The following ATP11A variants were observed in gnomAD, a reference collection of about 807,000 sequenced individuals.
ATP11A encodes phospholipid-transporting ATPase IH.
Under a neutral mutation model 154.4 loss-of-function variants are expected in ATP11A, and 81 were observed. That is an observed-to-expected ratio of 0.52 (90% confidence interval 0.44 to 0.63). The LOEUF (loss-of-function observed/expected upper bound fraction) is 0.63, where lower values mean the gene tolerates loss of function less well. ATP11A is among the 30% of genes least tolerant of loss of function. The pLI, the probability that ATP11A is intolerant of heterozygous loss-of-function variation, is 0.00. For missense variants in ATP11A, 1,316 were observed against 1,474.3 expected, an observed-to-expected ratio of 0.89 and a Z score of 1.76; for synonymous variants, 623 against 585.9, an observed-to-expected ratio of 1.06 and a Z score of -0.91.
At chr13:112,879,092 T>G (rs2080812488) in intron 29 of ATP11A, among the ~76,000 whole-genome samples, 1 of 152,256 alleles carries the variant, frequency 6.6e-6, no homozygotes, top group African/African-American at 2.4e-5. Flanking sequence ...CGTCCTGAAG[T>G]CGCGTTCTGT....
intron 1 of ATP11A, among the ~76,000 whole-genome samples, chr13:112,767,755 T>C (rs1323617265): frequency 2.6e-5 from 4 of 152,110 alleles, no homozygotes; most frequent in African/African-American, 7.2e-5. Flanking sequence ...CACTGCAAAC[T>C]CTGAAGTCTC....
chr13:112,796,822 C>A (rs2078010808), intron 2 of ATP11A, among the ~76,000 whole-genome samples: 1 of 151,668 alleles, frequency 6.6e-6, no homozygotes, highest in Non-Finnish European at 1.5e-5. Flanking sequence ...CTAGCCACAT[C>A]GGGGATTTGT....
At chr13:112,876,641 A>G (rs1222776736) in intron 28 of ATP11A, among the ~76,000 whole-genome samples, 2 of 152,218 alleles carry the variant, frequency 1.3e-5, no homozygotes, top group African/African-American at 4.8e-5. Flanking sequence ...TTCATCCCCG[A>G]AATTTCCAAT....
chr13:112,822,576 C>G (rs764148420), intron 8 of ATP11A, among the ~76,000 whole-genome samples: 1 of 152,034 alleles, frequency 6.6e-6, no homozygotes, highest in Non-Finnish European at 1.5e-5. Flanking sequence ...CTCCCTGAAT[C>G]TCACTGAGGA....
chr13:112,713,994 T>C (rs116737212), intron 1 of ATP11A, among the ~76,000 whole-genome samples: 1,151 of 26,790 alleles, frequency 0.043, no homozygotes, highest in African/African-American at 0.099. Flanking sequence ...CTGGCCCCAG[T>C]CTCCCTTCCA....
chr13:112,691,463 CAAAA>C (rs34506401), intron 1 of ATP11A, among the ~76,000 whole-genome samples: 106 of 84,352 alleles, frequency 1.3e-3, no homozygotes, highest in Non-Finnish European at 1.9e-3. Context: ...GACTCTGTAT[CAAAA>C]AAAAAAAAAA....
At chr13:112,712,676 G>A (rs1032366355) in intron 1 of ATP11A, among the ~76,000 whole-genome samples, 1 of 152,236 alleles carries the variant, frequency 6.6e-6, no homozygotes, top group Non-Finnish European at 1.5e-5. Context: ...CACAGAGACT[G>A]GAAACCTGTT....
intron 6 of ATP11A, among the ~76,000 whole-genome samples, chr13:112,818,203 G>GC (rs1161787898): frequency 5.3e-5 from 8 of 150,022 alleles, no homozygotes; most frequent in Admixed American, 3.3e-4. Flanking sequence ...TTGGTGACGG[G>GC]CAGTGACTGT....
intron 1 of ATP11A, among the ~76,000 whole-genome samples, chr13:112,721,558 G>C (rs1205417534): frequency 6.6e-6 from 1 of 152,196 alleles, no homozygotes; most frequent in African/African-American, 2.4e-5. Context: ...TGACATCAAA[G>C]ATGGAACGGG....
At chr13:112,738,661 T>C (rs1438620646) in intron 1 of ATP11A, among the ~76,000 whole-genome samples, 1 of 152,130 alleles carries the variant, frequency 6.6e-6, no homozygotes, top group Non-Finnish European at 1.5e-5. Flanking sequence ...TGTGGCTCAG[T>C]TCTAGCCCCT....
chr13:112,845,769 C>G, intron 17 of ATP11A, among the ~76,000 whole-genome samples: 1 of 131,696 alleles, frequency 7.6e-6, no homozygotes, highest in Non-Finnish European at 1.6e-5. Context: ...GTTGCCGGCA[C>G]TAGCGGTACT....
chr13:112,886,470 A>C lies in ATP11A; in HGVS notation c.*4604A>C, dbSNP rs998707666. ...TGATATGCAGGTCCTTGCATCCTAC[A>C]TTTCTTTAGGAAGTTACCCATTTGT... is the stretch of plus-strand genomic sequence containing the variant. On this transcript the variant is annotated 3_prime_UTR_variant, in exon 30 of 30. Transcript: ENST00000375645. 1.3e-5 allele frequency: 2 copies of C among 152,106 alleles called. No individual in the cohort carries two copies. The highest frequency in any genetic ancestry group is 2.4e-5 in the African/African-American group (1 of 41,346). 9.4% of individuals were successfully genotyped at this position (152,106 alleles called of 1,614,324 possible).
In ATP11A at chr13:112,871,807, G is replaced by A; in HGVS notation, c.3057+7G>A. ...GTTCACAGTTACACTAAAGGTAAGT[G>A]GTCTCGCGCTCACGTTCCTCCCCCA... On this transcript the variant is annotated splice_region_variant and intron_variant, in intron 26 of 29. Coordinates refer to ENST00000375645, the MANE Select transcript of ATP11A (RefSeq NM_015205.3). The A allele has an allele frequency of 6.2e-7, 1 of 1,613,710 alleles. No homozygotes were observed. Among genetic ancestry groups the A allele is most frequent in the Non-Finnish European group, 8.5e-7 (1 of 1,179,592 alleles).
At chr13:112,856,807 C>G (rs1187474920) in intron 20 of ATP11A, 2 of 152,184 alleles carry the variant, frequency 1.3e-5, no homozygotes, top group Admixed American at 1.3e-4. Context: ...CAGAGCAAAC[C>G]AGTGGTTAAG....
At chr13:112,705,866 T>G (rs1201024361) in intron 1 of ATP11A, among the ~76,000 whole-genome samples, 1 of 152,224 alleles carries the variant, frequency 6.6e-6, no homozygotes, top group Admixed American at 6.5e-5. Flanking sequence ...TACATTGATT[T>G]ATAGGTAATT....
intron 2 of ATP11A, among the ~76,000 whole-genome samples, chr13:112,804,588 G>A (rs991092475): frequency 1.8e-4 from 27 of 149,146 alleles, no homozygotes; most frequent in East Asian, 6.1e-4. Context: ...CATTCAGCTC[G>A]CTGTCATGCT....
chr13:112,872,945 T>C (rs868620540), intron 26 of ATP11A, among the ~76,000 whole-genome samples: 1 of 147,340 alleles, frequency 6.8e-6, no homozygotes, highest in Admixed American at 6.7e-5. Flanking sequence ...TTTGTCTTCC[T>C]GAGCGGTGTG....
At chr13:112,741,856 T>C (rs1192862768) in intron 1 of ATP11A, among the ~76,000 whole-genome samples, 1 of 152,054 alleles carries the variant, frequency 6.6e-6, no homozygotes, top group Non-Finnish European at 1.5e-5. Flanking sequence ...AGTGCTCTGC[T>C]CCCTGTGGAG....
At chr13:112,861,073 G>T (rs1226789971) in intron 24 of ATP11A, among the ~76,000 whole-genome samples, 2 of 152,132 alleles carry the variant, frequency 1.3e-5, no homozygotes, top group East Asian at 1.9e-4. Flanking sequence ...AGGAGCAAAG[G>T]CACGTCTTAC....
Sources: gnomAD v4.1 joint callset for allele counts (sites outside exome capture counted in the v4.1 genomes callset) on GRCh38, gnomAD v4.1.1 for gene constraint, MANE v1.5 for transcripts, NCBI Gene and HGNC (gene_info 2026-07-23, HGNC 2026-07-21) for gene names.